ZNF274: variants seen among roughly 807,000 people sequenced by gnomAD.
ZNF274 encodes the protein neurotrophin receptor-interacting factor homolog.
Under a neutral mutation model 42.5 loss-of-function variants are expected in ZNF274, and 23 were observed. That is an observed-to-expected ratio of 0.54 (90% CI 0.39 to 0.77). The LOEUF (loss-of-function observed/expected upper bound fraction) is 0.77. Ranked by LOEUF, ZNF274 falls within the 30% of genes least tolerant of loss-of-function variation. The pLI, the probability that ZNF274 is intolerant of heterozygous loss-of-function variation, is 0.00. For synonymous variants in ZNF274, 292 were observed against 305.4 expected (o/e 0.96, Z 0.46); for missense variants, 679 against 806.5 (o/e 0.84, Z 1.91).
intron 4 of ZNF274, among the ~76,000 whole-genome samples, chr19:58,196,439 A>G (rs1296679009): frequency 6.6e-6 from 1 of 151,950 alleles, no homozygotes; most frequent in Non-Finnish European, 1.5e-5. Context: ...GCGTGTGTCT[A>G]TAGTTCCAGC....
Position 58,213,239 on chromosome 19 carries a change from G to A in ZNF274, c.*96G>A. The A allele has an allele frequency of 6.8e-7, 1 of 1,469,670 alleles. No homozygotes were observed. Among genetic ancestry groups the A allele is most frequent in the South Asian group, 1.4e-5 (1 of 70,350 alleles). 91.0% of individuals were successfully genotyped at this position (1,469,670 alleles called of 1,614,324 possible). On this transcript the variant is annotated 3_prime_UTR_variant, in exon 8 of 8. Coordinates refer to ENST00000617501, the MANE Select transcript of ZNF274 (RefSeq NM_133502.3). ...GTGAATCAGGACTGAATGTGAAAGG[G>A]AAGTATTGAGTGAGGACATTCCCAA... is the stretch of plus-strand genomic sequence containing the variant.
intron 5 of ZNF274, 188 bp from the exon 6 acceptor site, chr19:58,209,773 G>A (rs2076019297): frequency 1.9e-6 from 1 of 531,804 alleles, no homozygotes; most frequent in Admixed American, 3.3e-5. Context: ...CCATCCAGGT[G>A]TGGGCACTCG....
At chr19:58,204,417 G>C (rs1252325206) in intron 4 of ZNF274, among the ~76,000 whole-genome samples, 1 of 152,094 alleles carries the variant, frequency 6.6e-6, no homozygotes, top group East Asian at 1.9e-4. Context: ...CTGAGAGACT[G>C]GGTCTTGTGT....
intron 4 of ZNF274, among the ~76,000 whole-genome samples, chr19:58,199,886 G>A (rs958717355): frequency 1.3e-5 from 2 of 152,226 alleles, no homozygotes; most frequent in African/African-American, 4.8e-5. Flanking sequence ...ATAAATAGAA[G>A]TATTAACTTA....
intron 4 of ZNF274, among the ~76,000 whole-genome samples, chr19:58,206,298 CA>C (rs372559301): frequency 5.3e-4 from 80 of 152,312 alleles, no homozygotes; most frequent in African/African-American, 1.8e-3. Flanking sequence ...GACTAGATCA[CA>C]ATTTGCTTAT....
At chr19:58,183,892 C>G in intron 1 of ZNF274, 29 bp from the exon 2 acceptor site, 1 of 1,498,832 alleles carries the variant, frequency 6.7e-7, no homozygotes, top group Non-Finnish European at 9.1e-7. Context: ...TTAAGCCTCT[C>G]CCTCCCCTCC....
At chr19:58,204,478 T>C (rs1026555740) in intron 4 of ZNF274, among the ~76,000 whole-genome samples, 1 of 152,060 alleles carries the variant, frequency 6.6e-6, no homozygotes, top group African/African-American at 2.4e-5. Context: ...TGGCCTCGCA[T>C]TCCTGAGTGC....
intron 4 of ZNF274, among the ~76,000 whole-genome samples, chr19:58,188,714 A>ATG (rs746117817): frequency 0.022 from 2,795 of 127,572 alleles, 79 homozygotes; most frequent in Non-Finnish European, 0.035. Context: ...ATATATATAT[A>ATG]TATATATATA....
intron 5 of ZNF274, 58 bp from the exon 6 acceptor site, chr19:58,209,903 T>A: frequency 7.5e-7 from 1 of 1,331,308 alleles, no homozygotes; most frequent in Admixed American, 1.9e-5. Flanking sequence ...AGGCCACCCT[T>A]GCCCTGCCTA....
intron 1 of ZNF274, 139 bp from the exon 2 acceptor site, chr19:58,183,782 A>T (rs113046258): frequency 1.7e-6 from 1 of 600,170 alleles, no homozygotes; most frequent in Non-Finnish European, 3.0e-6. Context: ...TGGGAGTCCT[A>T]TGACTCACTC....
intron 2 of ZNF274, chr19:58,184,204 C>T: frequency 1.7e-6 from 1 of 586,884 alleles, no homozygotes; most frequent in Non-Finnish European, 3.0e-6. Flanking sequence ...GAATAGAGAC[C>T]AGATTGTAGG....
chr19:58,185,964 T>G, intron 3 of ZNF274, 126 bp downstream of exon 3: 2 of 826,022 alleles, frequency 2.4e-6, no homozygotes, highest in Non-Finnish European at 3.4e-6. Context: ...CTTTTCAGTA[T>G]GACTTCTGAA....
intron 4 of ZNF274, among the ~76,000 whole-genome samples, chr19:58,188,704 A>ATATATATATATATATATG (rs2075741116): frequency 1.7e-5 from 2 of 116,878 alleles, no homozygotes; most frequent in Non-Finnish European, 3.6e-5. Context: ...GTATATATAT[A>ATATATATATATATATATG]TATATATATA....
At chr19:58,189,504 C>G (rs950928894) in intron 4 of ZNF274, among the ~76,000 whole-genome samples, 3 of 152,096 alleles carry the variant, frequency 2.0e-5, no homozygotes, top group African/African-American at 7.2e-5. Context: ...TTGTCATGGG[C>G]TAAATAGCTG....
At position 58,210,054 on chromosome 19, in the gene ZNF274, C is replaced by T; in HGVS notation, c.833C>T (p.Pro278Leu). The T allele has an allele frequency of 6.2e-7, 1 of 1,613,626 alleles. No homozygotes were observed. Residue 278 changes from proline (P) to leucine (L), a missense_variant, in exon 6 of 8, where the codon CCA (proline) becomes CTA (leucine). Transcript: ENST00000617501. The stretch of plus-strand genomic sequence containing the variant: ...AAGCAGGAGGATGCAGCCATCTGCC[C>T]AGTGACAGTGCTCCCTGAGGTAAGC... ...EEKQEDAAIC[P>L]VTVLPEEPVT...
intron 4 of ZNF274, among the ~76,000 whole-genome samples, chr19:58,188,723 T>TATATATATATAC (rs2075743254): frequency 7.8e-6 from 1 of 128,802 alleles, no homozygotes; most frequent in African/African-American, 3.0e-5. Context: ...TATATATATA[T>TATATATATATAC]AAATCTTTAA....
rs1568697745 is a variant in ZNF274 at position 58,188,688 on chromosome 19, GTATATGTATA to G, written c.256+1652_256+1661del. Reference sequence around the variant, plus strand: ...TGTGTGTGTGTGTGTATATATATATGTATATGTATATATATATATATATATATATATATAT... The same window carrying G: ...TGTGTGTGTGTGTGTATATATATATGTATATATATATATATATATATATAT... On this transcript the variant is annotated intron_variant, in intron 4 of 7. Coordinates refer to ENST00000617501, the MANE Select transcript of ZNF274 (RefSeq NM_133502.3). Among the ~76,000 whole-genome samples the G allele has an allele frequency of 1.6e-3, 87 of 52,974 alleles. 1 individual carries two copies. The highest frequency in any genetic ancestry group is 6.3e-3 in the African/African-American group (79 of 12,474). 34.8% of individuals were successfully genotyped at this position (52,974 alleles called of 152,430 possible). A position where few individuals can be genotyped will look rare whatever the true frequency, so the allele number is the denominator to read the frequency against.
intron 3 of ZNF274, 120 bp from the exon 4 acceptor site, chr19:58,186,827 C>G: frequency 1.2e-6 from 1 of 801,150 alleles, no homozygotes; most frequent in Non-Finnish European, 2.0e-6. Flanking sequence ...GTTCACTGCT[C>G]TAGGCCAGAA....
chr19:58,192,469 A>G (rs1306769482), intron 4 of ZNF274, among the ~76,000 whole-genome samples: 2 of 152,230 alleles, frequency 1.3e-5, no homozygotes, highest in East Asian at 3.8e-4. Flanking sequence ...ACAAGCCATC[A>G]AGAATTTCTC....
Sources: gnomAD v4.1 joint callset for allele counts (sites outside exome capture counted in the v4.1 genomes callset) on GRCh38, gnomAD v4.1.1 for gene constraint, MANE v1.5 for transcripts, NCBI Gene and HGNC (gene_info 2026-07-23, HGNC 2026-07-21) for gene names.